Variants in STK32B observed in about 807,000 individuals in gnomAD.
STK32B encodes serine/threonine kinase 32B.
STK32B carries 43 observed loss-of-function variants against 52.6 expected under a neutral mutation model. That is an observed-to-expected ratio of 0.82 (90% confidence interval 0.64 to 1.05). The LOEUF (loss-of-function observed/expected upper bound fraction) is 1.05, where lower values mean the gene tolerates loss of function less well. Ranked by LOEUF, STK32B falls within the 50% of genes least tolerant of loss-of-function variation. The pLI is 0.00. For synonymous variants in STK32B, 238 were observed against 204.3 expected (o/e 1.17, Z -1.41); for missense variants, 621 against 534.6 (o/e 1.16, Z -1.59).
At position 5,191,256 on chromosome 4, in the gene STK32B, C is replaced by CT. The variant is rs11288646; in HGVS notation, c.260+22818dup. Reference sequence around the variant, plus strand: ...CTCTGCCTTGCCTTATCCTGCATTCCTTTTTTTTTTTTGAGACAGAGTCTC... The same window carrying CT: ...CTCTGCCTTGCCTTATCCTGCATTCCTTTTTTTTTTTTTGAGACAGAGTCTC... On this transcript the variant is annotated intron_variant, in intron 3 of 11. Coordinates refer to ENST00000282908, the MANE Select transcript of STK32B (RefSeq NM_018401.3). Among the ~76,000 whole-genome samples, 641 of 146,112 alleles carry CT rather than the reference C, an allele frequency of 4.4e-3. 5 individuals are homozygous for CT. The highest frequency in any genetic ancestry group is 6.8e-3 in the Non-Finnish European group (450 of 66,282).
At chr4:5,206,337 G>A (rs1722576973) in intron 3 of STK32B, among the ~76,000 whole-genome samples, 1 of 152,152 alleles carries the variant, frequency 6.6e-6, no homozygotes, top group Non-Finnish European at 1.5e-5. Flanking sequence ...GAGGGTATTT[G>A]CAGGAATATC....
At chr4:5,403,738 C>T (rs940830144) in intron 5 of STK32B, among the ~76,000 whole-genome samples, 1 of 152,068 alleles carries the variant, frequency 6.6e-6, no homozygotes, top group African/African-American at 2.4e-5. Flanking sequence ...TATGTGCTAC[C>T]CCCAGCATGC....
chr4:5,360,364 C>G (rs1156484083), intron 4 of STK32B, among the ~76,000 whole-genome samples: 1 of 152,044 alleles, frequency 6.6e-6, no homozygotes, highest in African/African-American at 2.4e-5. Flanking sequence ...TAGATACGCT[C>G]ACAGATTACA....
chr4:5,183,746 C>G (rs138708823), intron 3 of STK32B, among the ~76,000 whole-genome samples: 2,215 of 152,328 alleles, frequency 0.015, 32 homozygotes, highest in Middle Eastern at 0.068. Flanking sequence ...AAGTAACTTG[C>G]TACAGCTTCT....
At chr4:5,163,878 G>C (rs1718654261) in intron 2 of STK32B, among the ~76,000 whole-genome samples, 1 of 152,160 alleles carries the variant, frequency 6.6e-6, no homozygotes, top group Non-Finnish European at 1.5e-5. Context: ...GAGGCTAAGG[G>C]TTTGGTTCCA....
intron 4 of STK32B, among the ~76,000 whole-genome samples, chr4:5,346,595 C>T (rs537469266): frequency 1.5e-4 from 23 of 152,266 alleles, no homozygotes; most frequent in African/African-American, 4.1e-4. Context: ...GGCCACTCAC[C>T]GCTGTAAAGA....
Position 5,307,834 on chromosome 4 carries a change from GC to G in STK32B, c.261-23385del, listed in dbSNP as rs961455212. 3.2e-3 allele frequency among the ~76,000 whole-genome samples: 479 copies of G among 147,908 alleles called. 3 individuals are homozygous for G. The highest frequency in any genetic ancestry group is 0.011 in the African/African-American group (451 of 40,614). On this transcript the variant is annotated intron_variant, in intron 3 of 11. Coordinates refer to ENST00000282908, the MANE Select transcript of STK32B (RefSeq NM_018401.3). ...CACGGGGGTGCTCTTTTGATGTGGT[GC>G]TTTCCCCTTTCCCCTAGGGATGGGG...
rs372514801 is a variant in STK32B, at chr4:5,460,097, C to T, written c.784-6C>T. 27 of 1,614,120 alleles carry T rather than the reference C, an allele frequency of 1.7e-5. 1 individual carries two copies. The East Asian group carries it at 2.4e-4, about 15-fold the overall frequency. Reference sequence around the variant, plus strand: ...TCATGGAAACTCATTTGCCCTCTAACTGCAGCTCCTGACCAAGGATCCTGA... The same window carrying T: ...TCATGGAAACTCATTTGCCCTCTAATTGCAGCTCCTGACCAAGGATCCTGA... On this transcript the variant is annotated splice_polypyrimidine_tract_variant and splice_region_variant and intron_variant, in intron 8 of 11. Transcript: ENST00000282908. This position sits in a 1 kb window ranked among gnomAD's most constrained non-coding sequence, Gnocchi z 4.8.
At position 5,440,147 on chromosome 4, in the gene STK32B, T is replaced by A. The variant is rs1249707857; in HGVS notation, c.563-6526T>A. ...TTTTTCCAATTCTGTGAAGAAAGTCTTTGGTAGCTTGATGGGGATGGCATT... is the reference window on the plus strand; with the variant it reads ...TTTTTCCAATTCTGTGAAGAAAGTCATTGGTAGCTTGATGGGGATGGCATT... On this transcript the variant is annotated intron_variant, in intron 6 of 11. Transcript: ENST00000282908. Among the ~76,000 whole-genome samples the A allele has an allele frequency of 1.9e-3, 294 of 152,240 alleles. 1 individual carries two copies. The highest frequency in any genetic ancestry group is 6.5e-3 in the African/African-American group (272 of 41,546).
At chr4:5,032,259 A>G in the STK32B span, among the ~76,000 whole-genome samples, 7 of 151,768 alleles carry the variant, frequency 4.6e-5, no homozygotes, top group African/African-American at 1.7e-4. Flanking sequence ...GGATCACTTG[A>G]GGTCAGGAGT....
chr4:5,033,715 G>A, the STK32B span, among the ~76,000 whole-genome samples: 11 of 152,150 alleles, frequency 7.2e-5, no homozygotes, highest in Non-Finnish European at 1.5e-4. Context: ...TGCACTCTCT[G>A]TTTACAACCG....
rs563159365 is a variant in STK32B, at chr4:5,070,680, G to A, written c.52+18765G>A. On this transcript the variant is annotated intron_variant, in intron 1 of 11. Coordinates refer to ENST00000282908, the MANE Select transcript of STK32B (RefSeq NM_018401.3). ...GTGAAATTTGGACACAAAGACACAA[G>A]TAAGAAAGGATATGGTAAGAGTTCC... is the stretch of plus-strand genomic sequence containing the variant. Among the ~76,000 whole-genome samples, 12 of 149,996 alleles carry A rather than the reference G, an allele frequency of 8.0e-5. 1 individual carries two copies. Among genetic ancestry groups the A allele is most frequent in the Admixed American group, 8.0e-4 (12 of 15,044 alleles).
chr4:5,062,015 A>G (rs1433637281), intron 1 of STK32B, among the ~76,000 whole-genome samples: 1 of 152,324 alleles, frequency 6.6e-6, no homozygotes, highest in East Asian at 1.9e-4. Context: ...TATTTTGTAC[A>G]GTTACAGTTT....
chr4:5,321,533 G>T (rs978837053), intron 3 of STK32B, among the ~76,000 whole-genome samples: 1 of 152,154 alleles, frequency 6.6e-6, no homozygotes, highest in Admixed American at 6.5e-5. Context: ...CAGGCTCACT[G>T]TCTGTCCCCG....
At chr4:5,437,072 G>A (rs1714148616) in intron 6 of STK32B, among the ~76,000 whole-genome samples, 1 of 152,152 alleles carries the variant, frequency 6.6e-6, no homozygotes. Flanking sequence ...GGTGCACCAG[G>A]GCACCAATCC....
At chr4:5,492,470 T>A (rs1274992592) in intron 11 of STK32B, among the ~76,000 whole-genome samples, 1 of 152,020 alleles carries the variant, frequency 6.6e-6, no homozygotes, top group Non-Finnish European at 1.5e-5. Flanking sequence ...TTAAGGAGAT[T>A]TTGGGCTGAG....
In STK32B at chr4:5,453,980, T is replaced by G. The variant is rs376085390; in HGVS notation, c.667-2827T>G. On this transcript the variant is annotated intron_variant, in intron 7 of 11. Coordinates refer to ENST00000282908, the MANE Select transcript of STK32B (RefSeq NM_018401.3). This position sits in a 1 kb window ranked among gnomAD's most constrained non-coding sequence, Gnocchi z 4.0. ...GTAGCCCTGAGCTCTGGGTCTCCTGTCCCTGCCCCTGTGGAAATTATAGAG... is the reference window on the plus strand; with the variant it reads ...GTAGCCCTGAGCTCTGGGTCTCCTGGCCCTGCCCCTGTGGAAATTATAGAG... Among the ~76,000 whole-genome samples, 10 of 152,056 alleles carry G rather than the reference T, an allele frequency of 6.6e-5. No individual in the cohort carries two copies. The highest frequency in any genetic ancestry group is 1.2e-4 in the Non-Finnish European group (8 of 68,008).
At chr4:5,331,005 C>T (rs1326823543) in intron 3 of STK32B, among the ~76,000 whole-genome samples, 3 of 152,122 alleles carry the variant, frequency 2.0e-5, no homozygotes, top group African/African-American at 4.8e-5. Flanking sequence ...CTTGCCTTTG[C>T]TATGTAAGAA....
intron 3 of STK32B, among the ~76,000 whole-genome samples, chr4:5,189,969 T>C (rs747695520): frequency 6.6e-6 from 1 of 152,206 alleles, no homozygotes; most frequent in Non-Finnish European, 1.5e-5. Context: ...CAGTAAGTAG[T>C]TGTCGAATGA....
Sources: gnomAD v4.1 joint callset for allele counts (sites outside exome capture counted in the v4.1 genomes callset) on GRCh38, gnomAD v4.1.1 for gene constraint, Gnocchi (gnomAD v3.1) non-coding constraint, MANE v1.5 for transcripts, NCBI Gene and HGNC (gene_info 2026-07-23, HGNC 2026-07-21) for gene names.